The following TMEM135 variants were observed in gnomAD, a reference collection of about 807,000 sequenced individuals.
The protein encoded by TMEM135 is transmembrane protein 135.
In TMEM135, 30 loss-of-function variants were observed where a neutral mutation model predicts 60.3. That is an observed-to-expected ratio of 0.50 (90% CI 0.37 to 0.68). TMEM135 has a LOEUF of 0.68. Among genes scored for constraint, TMEM135 ranks in the 30% least tolerant of loss-of-function variants. The pLI is 0.00. For synonymous variants in TMEM135, 190 were observed against 186.7 expected (o/e 1.02, Z -0.14); for missense variants, 468 against 548.8 (o/e 0.85, Z 1.47).
chr11:87,178,404 C>A, intron 5 of TMEM135: 1 of 456,082 alleles, frequency 2.2e-6, no homozygotes, highest in Non-Finnish European at 4.4e-6. Context: ...ACAATATATG[C>A]CCTTTTGAGT....
At chr11:87,084,018 A>T (rs931428730) in intron 3 of TMEM135, among the ~76,000 whole-genome samples, 4 of 152,158 alleles carry the variant, frequency 2.6e-5, no homozygotes, top group African/African-American at 9.6e-5. Context: ...TAGAAGTTGC[A>T]TTGTTCCTAC....
At position 87,318,310 on chromosome 11, in the gene TMEM135, C is replaced by T. The variant is rs1025120722; in HGVS notation, c.1176+75C>T. The T allele has an allele frequency of 7.6e-6, 8 of 1,052,352 alleles. No individual in the cohort carries two copies. The South Asian group carries it at 1.0e-4, about 13-fold the overall frequency. The allele number at this position is 1,052,352 out of a possible 1,614,324, so 65.2% of individuals were successfully genotyped here. A position where few individuals can be genotyped will look rare whatever the true frequency, so the allele number is the denominator to read the frequency against. On this transcript the variant is annotated intron_variant, in intron 13 of 14. Coordinates refer to ENST00000305494, the MANE Select transcript of TMEM135 (RefSeq NM_022918.4). Reference sequence around the variant, plus strand: ...GTACGTTAATCAAATGGGAGAGAAACAAACTCTGGGAACATTTCTATTTAC... The same window carrying T: ...GTACGTTAATCAAATGGGAGAGAAATAAACTCTGGGAACATTTCTATTTAC...
At chr11:87,232,226 C>A (rs964474937) in intron 5 of TMEM135, among the ~76,000 whole-genome samples, 7 of 152,136 alleles carry the variant, frequency 4.6e-5, no homozygotes, top group African/African-American at 1.4e-4. Context: ...GCTGGGGTTA[C>A]AGGGATGAGC....
At chr11:87,158,212 C>T (rs1453469314) in intron 5 of TMEM135, among the ~76,000 whole-genome samples, 1 of 152,130 alleles carries the variant, frequency 6.6e-6, no homozygotes, top group African/African-American at 2.4e-5. Context: ...AGGCATGAGC[C>T]ACCATGCCTA....
At chr11:87,081,810 A>G (rs1856998836) in intron 3 of TMEM135, among the ~76,000 whole-genome samples, 2 of 152,094 alleles carry the variant, frequency 1.3e-5, no homozygotes, top group South Asian at 4.1e-4. Context: ...ACCTATTCTA[A>G]ATATTAGCTG....
chr11:87,260,178 A>G (rs949283752), intron 6 of TMEM135, among the ~76,000 whole-genome samples: 1 of 152,236 alleles, frequency 6.6e-6, no homozygotes, highest in Non-Finnish European at 1.5e-5. Context: ...AATTGAGCTT[A>G]TCAGGTTAGA....
At chr11:87,232,022 C>T (rs1464995676) in intron 5 of TMEM135, among the ~76,000 whole-genome samples, 8 of 150,988 alleles carry the variant, frequency 5.3e-5, no homozygotes, top group Non-Finnish European at 8.9e-5. Flanking sequence ...TGCAATCTCA[C>T]TCACTGCAAC....
intron 5 of TMEM135, among the ~76,000 whole-genome samples, chr11:87,168,015 A>G (rs562808184): frequency 6.9e-4 from 105 of 152,246 alleles, no homozygotes; most frequent in Non-Finnish European, 1.3e-3. Flanking sequence ...CAGGGATTCA[A>G]CTTCTTCCTG....
chr11:87,217,668 C>T (rs539223669), intron 5 of TMEM135, among the ~76,000 whole-genome samples: 1 of 151,996 alleles, frequency 6.6e-6, no homozygotes, highest in Non-Finnish European at 1.5e-5. Context: ...GCCTGTAATC[C>T]CAGCTACTCG....
At chr11:87,273,943 T>C (rs1395784927) in intron 6 of TMEM135, among the ~76,000 whole-genome samples, 2 of 152,180 alleles carry the variant, frequency 1.3e-5, no homozygotes, top group African/African-American at 4.8e-5. Flanking sequence ...TTGAGTTATA[T>C]GCTAATTATG....
At chr11:87,211,798 G>A (rs1188998677) in intron 5 of TMEM135, among the ~76,000 whole-genome samples, 1 of 152,038 alleles carries the variant, frequency 6.6e-6, no homozygotes, top group Non-Finnish European at 1.5e-5. Flanking sequence ...CAAAAAATTA[G>A]CTGGGCGTGG....
intron 4 of TMEM135, among the ~76,000 whole-genome samples, chr11:87,099,508 C>T (rs368942871): frequency 1.3e-5 from 2 of 151,906 alleles, no homozygotes; most frequent in East Asian, 3.9e-4. Context: ...ATCATAGCAA[C>T]ACCCACTTCT....
Position 87,038,091 on chromosome 11 carries a change from G to C in TMEM135, c.46G>C (p.Gly16Arg). Residue 16 changes from glycine to arginine, a missense_variant, in exon 1 of 15, where the codon GGC becomes CGC. Physicochemically the swap from Gly to Arg is moderately radical, Grantham distance 125. Transcript: ENST00000305494. ...KSIPHNCYEIGHTWHPSCRVS... is the reference protein window; with the variant it reads ...KSIPHNCYEIRHTWHPSCRVS... ...CATCCCTCATAACTGCTATGAGATC[G>C]GCCACACTTGGCACCCTTCCTGCCG... is the stretch of plus-strand genomic sequence containing the variant. 1 of 1,614,118 alleles carries C rather than the reference G, an allele frequency of 6.2e-7. No homozygotes were observed. The highest frequency in any genetic ancestry group is 8.5e-7 in the Non-Finnish European group (1 of 1,180,012).
intron 4 of TMEM135, among the ~76,000 whole-genome samples, chr11:87,123,878 C>T (rs1386271551): frequency 1.3e-5 from 2 of 152,180 alleles, no homozygotes; most frequent in African/African-American, 2.4e-5. Flanking sequence ...CACATATTAT[C>T]AGTAGCTCAT....
chr11:87,050,480 G>C (rs1949831308), intron 1 of TMEM135, among the ~76,000 whole-genome samples: 1 of 68,098 alleles, frequency 1.5e-5, no homozygotes, highest in Non-Finnish European at 2.4e-5. Flanking sequence ...TGATAAAGGG[G>C]ATATCACCAC....
chr11:87,298,055 G>A (rs994260979), intron 7 of TMEM135, among the ~76,000 whole-genome samples: 1 of 152,130 alleles, frequency 6.6e-6, no homozygotes, highest in Non-Finnish European at 1.5e-5. Context: ...GCTTCTTGTA[G>A]GCTTTCAAAA....
intron 8 of TMEM135, among the ~76,000 whole-genome samples, chr11:87,303,935 G>C (rs1430953889): frequency 6.6e-6 from 1 of 152,176 alleles, no homozygotes; most frequent in African/African-American, 2.4e-5. Context: ...GGATCTTCTG[G>C]TATGAAAGTG....
chr11:87,273,568 A>T (rs187096501), intron 6 of TMEM135, among the ~76,000 whole-genome samples: 1 of 152,284 alleles, frequency 6.6e-6, no homozygotes, highest in Non-Finnish European at 1.5e-5. Flanking sequence ...CTGCACCTAG[A>T]TTTGTAAAAA....
chr11:87,193,887 A>G (rs1225565187), intron 5 of TMEM135, among the ~76,000 whole-genome samples: 2 of 151,744 alleles, frequency 1.3e-5, no homozygotes, highest in African/African-American at 4.8e-5. Context: ...TACACAATAC[A>G]TTTATTTAAT....
Sources: gnomAD v4.1 joint callset for allele counts (sites outside exome capture counted in the v4.1 genomes callset) on GRCh38, gnomAD v4.1.1 for gene constraint, MANE v1.5 for transcripts, NCBI Gene and HGNC (gene_info 2026-07-23, HGNC 2026-07-21) for gene names.